Variants in EME2 observed in about 807,000 individuals in gnomAD.
The protein encoded by EME2 is essential meiotic structure-specific endonuclease subunit 2.
EME2 carries 58 observed loss-of-function variants against 41.9 expected under a neutral mutation model. That is an observed-to-expected ratio of 1.38 (90% CI 1.12 to 1.72). The LOEUF is 1.72. Among genes scored for constraint, EME2 ranks in the 40% most tolerant of loss-of-function variants. The pLI is 0.00. For missense variants in EME2, 695 were observed against 541.9 expected (o/e 1.28, Z -2.81); for synonymous variants, 334 against 239.3 (o/e 1.40, Z -3.65).
At chr16:1,773,547 C>T in intron 1 of EME2, 73 bp downstream of exon 1, 1 of 1,522,692 alleles carries the variant, frequency 6.6e-7, no homozygotes, top group African/African-American at 1.4e-5. Flanking sequence ...CTCTGTCCGA[C>T]TGGGCGGGGC....
At chr16:1,774,437 C>T (rs1465811169) in intron 3 of EME2, 85 bp downstream of exon 3, 2 of 1,141,530 alleles carry the variant, frequency 1.8e-6, no homozygotes, top group Admixed American at 1.8e-5. Flanking sequence ...GGTCCCTGCC[C>T]CTGTAGACGG....
chr16:1,773,609 G>T, intron 1 of EME2, 96 bp from the exon 2 acceptor site: 2 of 1,536,536 alleles, frequency 1.3e-6, no homozygotes, highest in Non-Finnish European at 1.8e-6. Flanking sequence ...GGGGGTTTGT[G>T]CCGAATGGAG....
Position 1,781,287 on chromosome 16 carries a change from T to C in EME2, c.*5049T>C, listed in dbSNP as rs866879912. 4 of 1,612,028 alleles carry C rather than the reference T, an allele frequency of 2.5e-6. No individual in the cohort carries two copies. The highest frequency in any genetic ancestry group is 3.3e-5 in the Admixed American group (2 of 59,994). On this transcript the variant is annotated 3_prime_UTR_variant, in exon 8 of 8. Transcript: ENST00000568449. ...TCCGACTGATTCCGTGTTCAGGTAA[T>C]GTCTGCCTGCCTGCCTAGGGCATCT...
Position 1,781,461 on chromosome 16 carries a change from C to T in EME2, c.*5223C>T. 6.2e-7 allele frequency: 1 copy of T among 1,612,732 alleles called. No homozygotes were observed. The highest frequency in any genetic ancestry group is 1.1e-5 in the South Asian group (1 of 91,060). ...ACTCAGGACGAAGTGCCAGGCCCTGCTGTTCCGGGGGCGTCTGGCCATGGT... is the reference window on the plus strand; with the variant it reads ...ACTCAGGACGAAGTGCCAGGCCCTGTTGTTCCGGGGGCGTCTGGCCATGGT... On this transcript the variant is annotated 3_prime_UTR_variant, in exon 8 of 8. Transcript: ENST00000568449.
rs986536342 is a variant in EME2, at chr16:1,775,814, A to G, written c.797A>G (p.Gln266Arg). 1 of 1,612,342 alleles carries G rather than the reference A, an allele frequency of 6.2e-7. No individual in the cohort carries two copies. ...QYPLKQYRES[Q>R]AFSFCTAGRW... The stretch of plus-strand genomic sequence containing the variant: ...GTCCCCAGGCAGTACCGGGAATCCC[A>G]GGCCTTCTCCTTCTGCACAGCAGGG... Residue 266 changes from glutamine to arginine, a missense_variant, in exon 7 of 8, where the codon CAG becomes CGG. Gln to Arg is a conservative substitution (Grantham distance 43). Coordinates refer to ENST00000568449, the MANE Select transcript of EME2 (RefSeq NM_001257370.2).
At chr16:1,773,965 C>T (rs2042671335) in intron 2 of EME2, 124 bp downstream of exon 2, 1 of 1,289,558 alleles carries the variant, frequency 7.8e-7, no homozygotes, top group East Asian at 2.6e-5. Flanking sequence ...ATGGGTAAAG[C>T]AAGGATGGAG....
At chr16:1,773,537 C>G in intron 1 of EME2, 63 bp downstream of exon 1, 1 of 1,532,184 alleles carries the variant, frequency 6.5e-7, no homozygotes, top group Non-Finnish European at 8.7e-7. Flanking sequence ...AGGCGGCGCC[C>G]TCTGTCCGAC....
rs8059971 is a variant in EME2 at position 1,779,370 on chromosome 16, C to T, written c.*3132C>T. 5 of 152,546 alleles carry T rather than the reference C, an allele frequency of 3.3e-5. No individual in the cohort carries two copies. The highest frequency in any genetic ancestry group is 7.2e-5 in the African/African-American group (3 of 41,424). The allele number at this position is 152,546 out of a possible 1,614,324, so 9.4% of individuals were successfully genotyped here. A position where few individuals can be genotyped will look rare whatever the true frequency, so the allele number is the denominator to read the frequency against. Reference sequence around the variant, plus strand: ...CAGCAGGGAGAGTGCTAAGTGGTGGCGGGGGGCCTGTGGCAGAGGCCTTGT... The same window carrying T: ...CAGCAGGGAGAGTGCTAAGTGGTGGTGGGGGGCCTGTGGCAGAGGCCTTGT... On this transcript the variant is annotated 3_prime_UTR_variant, in exon 8 of 8. Coordinates refer to ENST00000568449, the MANE Select transcript of EME2 (RefSeq NM_001257370.2).
chr16:1,777,630 C>T lies in EME2; in HGVS notation c.*1392C>T. 2.0e-6 allele frequency: 3 copies of T among 1,515,100 alleles called. No homozygotes were observed. Among genetic ancestry groups the T allele is most frequent in the Non-Finnish European group, 1.8e-6 (2 of 1,126,904 alleles). 93.9% of individuals were successfully genotyped at this position (1,515,100 alleles called of 1,614,324 possible). ...GTCCCACCCCCTGGGACCCTGGGGC[C>T]TCAGGCTTCTGGGAGGAACCCTTTC... On this transcript the variant is annotated 3_prime_UTR_variant, in exon 8 of 8. Coordinates refer to ENST00000568449, the MANE Select transcript of EME2 (RefSeq NM_001257370.2).
rs143254614 is a variant in EME2, at chr16:1,775,382, G to A, written c.637G>A (p.Ala213Thr). The A allele has an allele frequency of 2.5e-6, 4 of 1,612,280 alleles. No homozygotes were observed. The highest frequency in any genetic ancestry group is 3.3e-5 in the Admixed American group (2 of 59,978). ...CCCGAAGGTGGCCGGTGCCGAGGTG[G>A]CCGTCAGCTGGCCGGAGGTGGAAGA... ...ESPKVAGAEVAVSWPEVEEAL... is the reference protein window; with the variant it reads ...ESPKVAGAEVTVSWPEVEEAL... Residue 213 changes from alanine (A) to threonine (T), a missense_variant, in exon 5 of 8, where the codon GCC (alanine) becomes ACC (threonine). Transcript: ENST00000568449.
At chr16:1,774,779 G>C (rs2042683682) in intron 3 of EME2, among the ~76,000 whole-genome samples, 1 of 152,244 alleles carries the variant, frequency 6.6e-6, no homozygotes, top group African/African-American at 2.4e-5. Context: ...AGCTAGGCTG[G>C]AGTACAGAGG....
rs920717300 is a variant in EME2 at position 1,776,950 on chromosome 16, C to T, written c.*712C>T. 2 of 936,302 alleles carry T rather than the reference C, an allele frequency of 2.1e-6. No individual in the cohort carries two copies. Among genetic ancestry groups the T allele is most frequent in the Middle Eastern group, 5.0e-4 (2 of 4,040 alleles). 58.0% of individuals were successfully genotyped at this position (936,302 alleles called of 1,614,324 possible). A position where few individuals can be genotyped will look rare whatever the true frequency, so the allele number is the denominator to read the frequency against. ...TAGAGCCCCCACAGAAAGGACTGTCCCAGCCTCGGGAGCAAGAGATGGCTC... is the reference window on the plus strand; with the variant it reads ...TAGAGCCCCCACAGAAAGGACTGTCTCAGCCTCGGGAGCAAGAGATGGCTC... On this transcript the variant is annotated 3_prime_UTR_variant, in exon 8 of 8. Transcript: ENST00000568449.
At chr16:1,774,065 A>G (rs2042673138) in intron 2 of EME2, among the ~76,000 whole-genome samples, 195 bp from the exon 3 acceptor site, 1 of 152,170 alleles carries the variant, frequency 6.6e-6, no homozygotes, top group South Asian at 2.1e-4. Flanking sequence ...TGTGGTCTGG[A>G]TTCCTGCCAG....
In EME2 at chr16:1,778,256, T is replaced by C. The variant is rs2042743203; in HGVS notation, c.*2018T>C. 1.2e-6 allele frequency: 2 copies of C among 1,612,916 alleles called. No individual in the cohort carries two copies. The highest frequency in any genetic ancestry group is 1.7e-6 in the Non-Finnish European group (2 of 1,179,992). On this transcript the variant is annotated 3_prime_UTR_variant, in exon 8 of 8. Coordinates refer to ENST00000568449, the MANE Select transcript of EME2 (RefSeq NM_001257370.2). ...CTGTACTCCATGTGGAAGCTGACCT[T>C]ACGGTTGTCACAGCTCAGCAGGGTG...
rs1020238054 is a variant in EME2, at chr16:1,777,850, G to A, written c.*1612G>A. 6.2e-7 allele frequency: 1 copy of A among 1,612,764 alleles called. No individual in the cohort carries two copies. Among genetic ancestry groups the A allele is most frequent in the Admixed American group, 1.7e-5 (1 of 60,024 alleles). On this transcript the variant is annotated 3_prime_UTR_variant, in exon 8 of 8. Transcript: ENST00000568449. ...CGAACCGCGATGAGAAGCTGGTCTTGTCGCCCTTGTGGTGGAGGAGGCCTG... is the reference window on the plus strand; with the variant it reads ...CGAACCGCGATGAGAAGCTGGTCTTATCGCCCTTGTGGTGGAGGAGGCCTG...
intron 3 of EME2, chr16:1,774,826 G>A: frequency 4.8e-6 from 3 of 619,688 alleles, no homozygotes; most frequent in Non-Finnish European, 8.6e-6. Flanking sequence ...ACTGACATGT[G>A]CCCGAGCAGC....
Position 1,777,431 on chromosome 16 carries a change from G to A in EME2, c.*1193G>A, listed in dbSNP as rs1409726656. On this transcript the variant is annotated 3_prime_UTR_variant, in exon 8 of 8. Transcript: ENST00000568449. ...GTAGAATCTCTTGTTCTGCAGCTTGGTGGCTGCCACACCTGGAAGGGAGGG... is the reference window on the plus strand; with the variant it reads ...GTAGAATCTCTTGTTCTGCAGCTTGATGGCTGCCACACCTGGAAGGGAGGG... 6.6e-7 allele frequency: 1 copy of A among 1,525,802 alleles called. No homozygotes were observed. Among genetic ancestry groups the A allele is most frequent in the Admixed American group, 1.9e-5 (1 of 52,524 alleles). 94.5% of individuals were successfully genotyped at this position (1,525,802 alleles called of 1,614,324 possible).
chr16:1,773,537 C>T, intron 1 of EME2, 63 bp downstream of exon 1: 2 of 1,532,184 alleles, frequency 1.3e-6, no homozygotes, highest in African/African-American at 1.4e-5. Context: ...AGGCGGCGCC[C>T]TCTGTCCGAC....
rs1198088302 is a variant in EME2 at position 1,772,907 on chromosome 16, G to C, written c.-321G>C. On this transcript the variant is annotated 5_prime_UTR_variant, in exon 1 of 8. Coordinates refer to ENST00000568449, the MANE Select transcript of EME2 (RefSeq NM_001257370.2). Reference sequence around the variant, plus strand: ...CCAGGCGGCCCAGGCCGAAGAGCGGGAGGCGGCCGAGCAGCTGCAAGAGGC... The same window carrying C: ...CCAGGCGGCCCAGGCCGAAGAGCGGCAGGCGGCCGAGCAGCTGCAAGAGGC... 3 of 1,450,236 alleles carry C rather than the reference G, an allele frequency of 2.1e-6. No individual in the cohort carries two copies. The highest frequency in any genetic ancestry group is 2.7e-6 in the Non-Finnish European group (3 of 1,108,522). 89.8% of individuals were successfully genotyped at this position (1,450,236 alleles called of 1,614,324 possible). A position where few individuals can be genotyped will look rare whatever the true frequency, so the allele number is the denominator to read the frequency against.
Sources: allele counts gnomAD v4.1 joint callset (sites outside exome capture counted in the v4.1 genomes callset), GRCh38; gene constraint gnomAD v4.1.1; transcripts MANE v1.5; gene names NCBI Gene and HGNC (gene_info 2026-07-23, HGNC 2026-07-21).